The following FES variants were observed in gnomAD, a reference collection of about 807,000 sequenced individuals.
The protein encoded by FES is tyrosine-protein kinase Fes/Fps.
In FES, 83 loss-of-function variants were observed where a neutral mutation model predicts 109.6. That is an observed-to-expected ratio of 0.76 (90% confidence interval 0.63 to 0.91). The LOEUF (loss-of-function observed/expected upper bound fraction) is 0.91. FES is among the 40% of genes least tolerant of loss of function. The pLI is 0.00. For missense variants in FES, 943 were observed against 1,070.9 expected (o/e 0.88, Z 1.67); for synonymous variants, 458 against 442.1 (o/e 1.04, Z -0.45).
chr15:90,889,665 G>A lies in FES; in HGVS notation c.926+29G>A, dbSNP rs779091258. On this transcript the variant is annotated intron_variant, in intron 7 of 18. Transcript: ENST00000328850. This position sits in a 1 kb window ranked among gnomAD's most constrained non-coding sequence, Gnocchi z 6.1. ...GGTGGTGGCTTTGCACCTGGGCTGC[G>A]GCGGGGCTCCCAGCAGACCACGAGT... is the stretch of plus-strand genomic sequence containing the variant. 7 of 1,611,074 alleles carry A rather than the reference G, an allele frequency of 4.3e-6. No homozygotes were observed. The highest frequency in any genetic ancestry group is 2.2e-5 in the East Asian group (1 of 44,858).
In FES at chr15:90,890,181, A is replaced by C. The variant is rs1446391319; in HGVS notation, c.1139A>C (p.Gln380Pro). ...ALCSQAKLQAQQELLQTKLEH... is the reference protein window; with the variant it reads ...ALCSQAKLQAPQELLQTKLEH... Reference sequence around the variant, plus strand: ...TGCAGCCAGGCCAAGCTGCAGGCCCAGCAGGAGTTGCTGCAGACCAAGCTG... The same window carrying C: ...TGCAGCCAGGCCAAGCTGCAGGCCCCGCAGGAGTTGCTGCAGACCAAGCTG... The change falls in exon 9 of 19, where the codon CAG (glutamine) becomes CCG (proline). Residue 380 changes from glutamine (Q) to proline (P), a missense_variant. By Grantham distance (76) the Gln-to-Pro change is moderately conservative. Transcript: ENST00000328850. 6.2e-7 allele frequency: 1 copy of C among 1,601,008 alleles called. No individual in the cohort carries two copies. The highest frequency in any genetic ancestry group is 1.7e-5 in the Admixed American group (1 of 59,648).
At chr15:90,885,011 AGG>A in intron 1 of FES, 24 bp from the exon 2 acceptor site, 1 of 1,561,874 alleles carries the variant, frequency 6.4e-7, no homozygotes, top group Non-Finnish European at 8.7e-7. Flanking sequence ...CCTTGCCTCC[AGG>A]GATGGCCCCT....
Position 90,890,429 on chromosome 15 carries a change from C to A in FES, c.1265C>A (p.Pro422His). Reference sequence around the variant, plus strand: ...CAGGAGCGAGAGGGGGGAAGGACACCCACGCTGGAGATCCTTAAGAGCCAC... The same window carrying A: ...CAGGAGCGAGAGGGGGGAAGGACACACACGCTGGAGATCCTTAAGAGCCAC... ...SEQEREGGRT[P>H]TLEILKSHIS... Residue 422 changes from proline (P) to histidine (H), a missense_variant, in exon 10 of 19, where the codon CCC (proline) becomes CAC (histidine). Pro to His is a moderately conservative substitution (Grantham distance 77, BLOSUM62 -2). Coordinates refer to ENST00000328850, the MANE Select transcript of FES (RefSeq NM_002005.4). The A allele has an allele frequency of 1.2e-6, 2 of 1,613,218 alleles. No individual in the cohort carries two copies. The highest frequency in any genetic ancestry group is 1.7e-6 in the Non-Finnish European group (2 of 1,179,920).
Position 90,885,556 on chromosome 15 carries a change from T to C in FES, c.358T>C (p.Trp120Arg), listed in dbSNP as rs1391730340. ...QQLRKTYSEQ[W>R]QQLQQELTKT... ...GCTTCGCAAGACCTACAGCGAGCAG[T>C]GGCAGCAGCTGCAGCAGGAGCTCAC... is the stretch of plus-strand genomic sequence containing the variant. Residue 120 changes from tryptophan (W) to arginine (R), a missense_variant, in exon 3 of 19, where the codon TGG becomes CGG. Coordinates refer to ENST00000328850, the MANE Select transcript of FES (RefSeq NM_002005.4). The C allele has an allele frequency of 1.9e-6, 3 of 1,612,924 alleles. No individual in the cohort carries two copies. Among genetic ancestry groups the C allele is most frequent in the Non-Finnish European group, 2.5e-6 (3 of 1,179,960 alleles).
At position 90,890,183 on chromosome 15, in the gene FES, C is replaced by T. The variant is rs1163915054; in HGVS notation, c.1141C>T (p.Gln381Ter). Residue 381 changes from glutamine to a stop codon, truncating the protein, a stop_gained, in exon 9 of 19, where the codon CAG becomes TAG. Coordinates refer to ENST00000328850, the MANE Select transcript of FES (RefSeq NM_002005.4). LOFTEE classifies it high-confidence loss of function. ...CAGCCAGGCCAAGCTGCAGGCCCAG[C>T]AGGAGTTGCTGCAGACCAAGCTGGA... is the stretch of plus-strand genomic sequence containing the variant. ...LCSQAKLQAQ[Q>*]ELLQTKLEHL... 2 of 1,601,850 alleles carry T rather than the reference C, an allele frequency of 1.2e-6. No individual in the cohort carries two copies. Among genetic ancestry groups the T allele is most frequent in the Non-Finnish European group, 1.7e-6 (2 of 1,178,926 alleles).
intron 10 of FES, 175 bp downstream of exon 10, chr15:90,890,659 G>A (rs1053605267): frequency 6.2e-6 from 4 of 647,906 alleles, no homozygotes; most frequent in Admixed American, 2.9e-5. Context: ...CCTTTCCATC[G>A]CCCCAGTGTG....
chr15:90,894,938 A>C (rs1480126492), intron 18 of FES, among the ~76,000 whole-genome samples: 2 of 148,450 alleles, frequency 1.3e-5, no homozygotes, highest in Admixed American at 6.7e-5. Context: ...GTAGTGGTGC[A>C]AGCCTGTAAT....
In FES at chr15:90,886,737, C is replaced by T. The variant is rs145665191; in HGVS notation, c.388-224C>T. 1.8e-3 allele frequency among the ~76,000 whole-genome samples: 278 copies of T among 152,320 alleles called. 2 individuals are homozygous for T. The highest frequency in any genetic ancestry group is 3.4e-3 in the Middle Eastern group (1 of 294). On this transcript the variant is annotated intron_variant, in intron 3 of 18. Coordinates refer to ENST00000328850, the MANE Select transcript of FES (RefSeq NM_002005.4). ...TGCCACCAGGCTACCACTGTCAGTC[C>T]AAGGAGGGACCATTGTAGCCTGTAG...
chr15:90,888,453 A>C (rs1241006532), intron 5 of FES, among the ~76,000 whole-genome samples: 16 of 152,228 alleles, frequency 1.1e-4, no homozygotes. Context: ...TGCTGCAAAT[A>C]GACTTCAGGG....
At chr15:90,895,381 T>G in intron 18 of FES, 35 bp from the exon 19 acceptor site, 2 of 1,473,422 alleles carry the variant, frequency 1.4e-6, no homozygotes. Flanking sequence ...TCAAACTCCC[T>G]CCTCATGCCT....
intron 3 of FES, 96 bp downstream of exon 3, chr15:90,885,681 G>A: frequency 6.7e-7 from 1 of 1,492,254 alleles, no homozygotes; most frequent in Non-Finnish European, 8.9e-7. Flanking sequence ...CACTGGGGAA[G>A]TGTAAGTCCC....
rs1295663692 is a variant in FES, at chr15:90,887,260, T to C, written c.558T>C (p.Tyr186=). ...AGCTCTTTGCTCACCACAACCGCTA[T>C]GTGCTGGGCGTGCGGGCTGCGCAGC... is the stretch of plus-strand genomic sequence containing the variant. The part of the protein sequence containing the change: ...LWKLFAHHNR[Y]VLGVRAAQLH... The change falls in exon 5 of 19, where the codon TAT becomes TAC. Residue 186 remains tyrosine (Y), a synonymous_variant. Transcript: ENST00000328850. 3.7e-6 allele frequency: 6 copies of C among 1,613,410 alleles called. No individual in the cohort carries two copies. The highest frequency in any genetic ancestry group is 3.4e-6 in the Non-Finnish European group (4 of 1,180,040).
chr15:90,888,200 G>T (rs2032845554), intron 5 of FES, among the ~76,000 whole-genome samples: 1 of 152,224 alleles, frequency 6.6e-6, no homozygotes, highest in Admixed American at 6.5e-5. Flanking sequence ...CCGCCTCCCA[G>T]GTTCAAGTGA....
Position 90,892,852 on chromosome 15 carries a change from G to A in FES, c.1826+27G>A, listed in dbSNP as rs80301810. Reference sequence around the variant, plus strand: ...TGGGTGATAAACTAATGATCACCACGGGTCCCGCATACACAGAGGTTACAC... The same window carrying A: ...TGGGTGATAAACTAATGATCACCACAGGTCCCGCATACACAGAGGTTACAC... On this transcript the variant is annotated intron_variant, in intron 14 of 18. Coordinates refer to ENST00000328850, the MANE Select transcript of FES (RefSeq NM_002005.4). 2,626 of 1,596,164 alleles carry A rather than the reference G, an allele frequency of 1.6e-3. 40 individuals carry two copies. Among genetic ancestry groups the A allele is most frequent in the African/African-American group, 0.011 (839 of 74,692 alleles).
intron 5 of FES, among the ~76,000 whole-genome samples, chr15:90,887,601 G>A (rs773008761): frequency 4.6e-5 from 7 of 152,342 alleles, no homozygotes; most frequent in Non-Finnish European, 1.5e-5. Flanking sequence ...CACTGTTCTG[G>A]GCTCTGGATT....
rs1460672130 is a variant in FES at position 90,895,611 on chromosome 15, C to T, written c.*53C>T. 4.8e-6 allele frequency: 7 copies of T among 1,458,954 alleles called. No individual in the cohort carries two copies. The highest frequency in any genetic ancestry group is 2.4e-5 in the Admixed American group (1 of 41,816). The allele number at this position is 1,458,954 out of a possible 1,614,324, so 90.4% of individuals were successfully genotyped here. On this transcript the variant is annotated 3_prime_UTR_variant, in exon 19 of 19. Transcript: ENST00000328850. ...GCCTCTGCAGGCCTAGGTGCAGCTC[C>T]TCAGCGGCTCCAGCTCATATGCTGA...
rs775738142 is a variant in FES at position 90,893,452 on chromosome 15, C to T, written c.2045+38C>T. ...TGGCCACGGGCCCTGCCAACACCCC[C>T]GACCAGAGTCAAGAGGTACCTATAC... On this transcript the variant is annotated intron_variant, in intron 16 of 18. Coordinates refer to ENST00000328850, the MANE Select transcript of FES (RefSeq NM_002005.4). 1.2e-5 allele frequency: 18 copies of T among 1,517,270 alleles called. No homozygotes were observed. In the Admixed American group the frequency reaches 2.0e-4, roughly 17 times the overall value. The allele number at this position is 1,517,270 out of a possible 1,614,324, so 94.0% of individuals were successfully genotyped here.
At chr15:90,888,747 C>CATTT (rs57072260) in intron 5 of FES, among the ~76,000 whole-genome samples, 7,528 of 142,568 alleles carry the variant, frequency 0.053, 271 homozygotes, top group East Asian at 0.17. Flanking sequence ...GATAGCAGTT[C>CATTT]ATTTATTTAT....
In FES at chr15:90,889,512, C is replaced by A; in HGVS notation, c.807-5C>A. The stretch of plus-strand genomic sequence containing the variant: ...TGTCCACTGACGGGGCGCTGTCCCC[C>A]ACAGGTCCGCACCTGACGTCCCACC... On this transcript the variant is annotated splice_region_variant and splice_polypyrimidine_tract_variant and intron_variant, in intron 6 of 18. Coordinates refer to ENST00000328850, the MANE Select transcript of FES (RefSeq NM_002005.4). The surrounding 1 kb of genome is among the most constrained non-coding windows in gnomAD (Gnocchi z 6.1). The A allele has an allele frequency of 1.9e-6, 3 of 1,613,868 alleles. No individual in the cohort carries two copies. Among genetic ancestry groups the A allele is most frequent in the Non-Finnish European group, 2.5e-6 (3 of 1,180,018 alleles).
Sources: gnomAD v4.1 joint callset for allele counts (sites outside exome capture counted in the v4.1 genomes callset) on GRCh38, gnomAD v4.1.1 for gene constraint, Gnocchi (gnomAD v3.1) non-coding constraint, MANE v1.5 for transcripts, NCBI Gene and HGNC (gene_info 2026-07-23, HGNC 2026-07-21) for gene names.